OSBPL6: variants seen among roughly 807,000 people sequenced by gnomAD.
OSBPL6 encodes oxysterol binding protein like 6.
OSBPL6 carries 49 observed loss-of-function variants against 125.8 expected under a neutral mutation model. That is an observed-to-expected ratio of 0.39 (90% CI 0.31 to 0.49). The LOEUF is 0.49. Ranked by LOEUF, OSBPL6 falls within the 20% of genes least tolerant of loss-of-function variation. The probability of loss-of-function intolerance (pLI) is 0.88; values close to 1 mark genes in which losing one functional copy is unlikely to be tolerated. For missense variants in OSBPL6, 986 were observed against 1,135.4 expected (o/e 0.87, Z 1.89); for synonymous variants, 394 against 391.8 (o/e 1.01, Z -0.07).
chr2:178,383,100 C>CAGT lies in OSBPL6; in HGVS notation c.1700_1702dup (p.Ser567dup). 6.2e-7 allele frequency: 1 copy of CAGT among 1,614,172 alleles called. No homozygotes were observed. The highest frequency in any genetic ancestry group is 8.5e-7 in the Non-Finnish European group (1 of 1,180,032). On this transcript the variant is annotated inframe_insertion, in exon 17 of 25. Transcript: ENST00000190611. ...GCCTGCCAGCTCCTTGTCCTGACAC[C>CAGT]AGTAACATTAACCTGTGGAATATCT...
At chr2:178,228,408 G>A (rs763568513) in intron 1 of OSBPL6, among the ~76,000 whole-genome samples, 26 of 152,276 alleles carry the variant, frequency 1.7e-4, no homozygotes, top group East Asian at 5.8e-4. Flanking sequence ...GGTGGCGTGC[G>A]CCTGTAGTCT....
chr2:178,275,195 G>A (rs191179483), intron 1 of OSBPL6, among the ~76,000 whole-genome samples: 4 of 152,252 alleles, frequency 2.6e-5, no homozygotes, highest in Admixed American at 2.0e-4. Context: ...GGAAATATAA[G>A]GAAAGGAAAA....
At position 178,394,486 on chromosome 2, in the gene OSBPL6, C is replaced by A. The variant is rs762822020; in HGVS notation, c.2696+51C>A. ...GTTCATGTTTTGCAAATGGTTGCCA[C>A]AGGCCATGAGAAACTCCAGTTAAAT... On this transcript the variant is annotated intron_variant, in intron 24 of 24. Transcript: ENST00000190611. The A allele has an allele frequency of 1.7e-5, 27 of 1,567,546 alleles. 1 individual carries two copies. In the Admixed American group the frequency reaches 5.4e-4, roughly 32 times the overall value.
At chr2:178,371,360 T>A (rs535782616) in intron 13 of OSBPL6, among the ~76,000 whole-genome samples, 1 of 152,318 alleles carries the variant, frequency 6.6e-6, no homozygotes, top group African/African-American at 2.4e-5. Flanking sequence ...GTAAAGCTGT[T>A]CTCTTCTTGT....
At chr2:178,376,600 A>G (rs992275992) in intron 15 of OSBPL6, among the ~76,000 whole-genome samples, 1 of 152,024 alleles carries the variant, frequency 6.6e-6, no homozygotes, top group Non-Finnish European at 1.5e-5. Flanking sequence ...GGCAAATCTG[A>G]TCATGTCCGT....
At chr2:178,393,510 G>T (rs1695590649) in intron 23 of OSBPL6, among the ~76,000 whole-genome samples, 1 of 152,102 alleles carries the variant, frequency 6.6e-6, no homozygotes, top group Admixed American at 6.5e-5. Flanking sequence ...TCTGCCATCT[G>T]CCAAAATGCT....
At chr2:178,329,484 G>A (rs1257319675) in intron 5 of OSBPL6, among the ~76,000 whole-genome samples, 2 of 150,638 alleles carry the variant, frequency 1.3e-5, no homozygotes, top group East Asian at 1.9e-4. Context: ...GCACAATCAC[G>A]GCTCATTGCA....
chr2:178,314,713 C>T (rs1687585914), intron 3 of OSBPL6, among the ~76,000 whole-genome samples: 1 of 152,196 alleles, frequency 6.6e-6, no homozygotes, highest in Non-Finnish European at 1.5e-5. Flanking sequence ...CGAGCTCTCA[C>T]TGTGGAAGGC....
At chr2:178,321,140 A>T (rs184388366) in intron 3 of OSBPL6, among the ~76,000 whole-genome samples, 1 of 152,096 alleles carries the variant, frequency 6.6e-6, no homozygotes, top group Non-Finnish European at 1.5e-5. Flanking sequence ...ATGGAGCAAG[A>T]CTCTGTCTCA....
chr2:178,253,241 C>T (rs559692663), intron 1 of OSBPL6, among the ~76,000 whole-genome samples: 83 of 152,182 alleles, frequency 5.5e-4, no homozygotes, highest in African/African-American at 1.7e-3. Flanking sequence ...AGGCTGGTCT[C>T]GAACTCCTGA....
intron 2 of OSBPL6, among the ~76,000 whole-genome samples, chr2:178,304,617 C>T (rs1190250673): frequency 6.6e-6 from 1 of 152,192 alleles, no homozygotes; most frequent in Admixed American, 6.5e-5. Context: ...AACCTAGTCA[C>T]AAGGGCTCCA....
chr2:178,219,503 A>T (rs767388797), intron 1 of OSBPL6, among the ~76,000 whole-genome samples: 1 of 152,206 alleles, frequency 6.6e-6, no homozygotes, highest in African/African-American at 2.4e-5. Flanking sequence ...TGTCATTTAC[A>T]TGAGAATCAA....
At chr2:178,222,611 C>T (rs922827895) in intron 1 of OSBPL6, among the ~76,000 whole-genome samples, 3 of 152,154 alleles carry the variant, frequency 2.0e-5, no homozygotes, top group Admixed American at 6.6e-5. Context: ...CTCGCCATTG[C>T]ACTCCAGCCT....
intron 23 of OSBPL6, among the ~76,000 whole-genome samples, 192 bp downstream of exon 23, chr2:178,392,730 G>A (rs1055271570): frequency 9.2e-5 from 14 of 151,898 alleles, no homozygotes; most frequent in African/African-American, 2.4e-4. Context: ...GTGTGGTGGG[G>A]CATGCCTAAA....
chr2:178,295,654 A>G (rs921722723), intron 2 of OSBPL6, among the ~76,000 whole-genome samples: 1 of 152,152 alleles, frequency 6.6e-6, no homozygotes, highest in African/African-American at 2.4e-5. Context: ...AATTGCAAGG[A>G]TTAGTGGACA....
chr2:178,360,886 T>C (rs1692292090), intron 12 of OSBPL6, among the ~76,000 whole-genome samples: 1 of 152,232 alleles, frequency 6.6e-6, no homozygotes, highest in South Asian at 2.1e-4. Flanking sequence ...ATTTCCACTT[T>C]TATAAATACC....
chr2:178,377,534 C>T (rs1693993755), intron 15 of OSBPL6, among the ~76,000 whole-genome samples: 1 of 152,170 alleles, frequency 6.6e-6, no homozygotes, highest in African/African-American at 2.4e-5. Flanking sequence ...CTCCTCACGC[C>T]TTCACACTCA....
At chr2:178,376,926 C>T (rs1693927435) in intron 15 of OSBPL6, among the ~76,000 whole-genome samples, 1 of 152,160 alleles carries the variant, frequency 6.6e-6, no homozygotes, top group Admixed American at 6.5e-5. Flanking sequence ...GCAACTTCTC[C>T]CTTTATCACA....
At position 178,398,750 on chromosome 2, in the gene OSBPL6, C is replaced by A. The variant is rs1395774393; in HGVS notation, c.*3191C>A. The A allele has an allele frequency of 6.6e-6, 1 of 152,102 alleles. No individual in the cohort carries two copies. The highest frequency in any genetic ancestry group is 2.4e-5 in the African/African-American group (1 of 41,408). 9.4% of individuals were successfully genotyped at this position (152,102 alleles called of 1,614,324 possible). On this transcript the variant is annotated 3_prime_UTR_variant, in exon 25 of 25. Transcript: ENST00000190611. Reference sequence around the variant, plus strand: ...GATGCCAGGTTGTCAATTTTCTAAACCTTTTCCTCTAGATTATTCTGGCCC... The same window carrying A: ...GATGCCAGGTTGTCAATTTTCTAAAACTTTTCCTCTAGATTATTCTGGCCC...
Sources: allele counts gnomAD v4.1 joint callset (sites outside exome capture counted in the v4.1 genomes callset), GRCh38; gene constraint gnomAD v4.1.1; transcripts MANE v1.5; gene names NCBI Gene and HGNC (gene_info 2026-07-23, HGNC 2026-07-21).